Variants in ELAPOR2 observed in about 807,000 individuals in gnomAD.
ELAPOR2 encodes endosome/lysosome-associated apoptosis and autophagy regulator family member 2.
ELAPOR2 carries 89 observed loss-of-function variants against 120.7 expected under a neutral mutation model. The ratio of observed to expected loss-of-function variants is 0.74; its 90% CI spans 0.62 to 0.88. ELAPOR2 has a LOEUF of 0.88. Among genes scored for constraint, ELAPOR2 ranks in the 40% least tolerant of loss-of-function variants. The probability of loss-of-function intolerance (pLI) is 0.00; values close to 1 mark genes in which losing one functional copy is unlikely to be tolerated. For synonymous variants in ELAPOR2, 444 were observed against 444.9 expected, an observed-to-expected ratio of 1.00 and a Z score of 0.03; for missense variants, 1,134 against 1,251.6, an observed-to-expected ratio of 0.91 and a Z score of 1.42.
chr7:87,049,854 G>C (rs966202600), intron 1 of ELAPOR2, among the ~76,000 whole-genome samples: 1 of 152,216 alleles, frequency 6.6e-6, no homozygotes, highest in Non-Finnish European at 1.5e-5. Context: ...CCCAAATGTG[G>C]TGATGTTGGG....
In ELAPOR2 at chr7:86,925,672, A is replaced by G. The variant is rs1427565314; in HGVS notation, c.1271-16T>C. Reference sequence around the variant, plus strand: ...GGTCTACATTCTACAGGAGACAAGTAGGGTCAACAATTAAAATTAAACTGC... The same window carrying G: ...GGTCTACATTCTACAGGAGACAAGTGGGGTCAACAATTAAAATTAAACTGC... On this transcript the variant is annotated splice_polypyrimidine_tract_variant and intron_variant, in intron 9 of 21. Transcript: ENST00000450689. 1.3e-5 allele frequency: 21 copies of G among 1,609,972 alleles called. No homozygotes were observed. Among genetic ancestry groups the G allele is most frequent in the Non-Finnish European group, 1.8e-5 (21 of 1,177,220 alleles).
Position 87,011,139 on chromosome 7 carries a change from G to A in ELAPOR2, c.190-46115C>T, listed in dbSNP as rs370032557. Among the ~76,000 whole-genome samples the A allele has an allele frequency of 2.8e-3, 424 of 150,854 alleles. 1 individual carries two copies. Among genetic ancestry groups the A allele is most frequent in the African/African-American group, 9.7e-3 (397 of 41,012 alleles). On this transcript the variant is annotated intron_variant, in intron 1 of 21. Coordinates refer to ENST00000450689, the MANE Select transcript of ELAPOR2 (RefSeq NM_001142749.3). ...AAAAATTAGCTGGGCATGGTGGCAC[G>A]TGCCTGTAGTCCCAGCTACTCGGGA...
chr7:86,908,423 A>C (rs376033872), intron 17 of ELAPOR2, 24 bp downstream of exon 17: 16 of 1,284,650 alleles, frequency 1.2e-5, no homozygotes, highest in Non-Finnish European at 1.6e-5. Context: ...AAATATAGTC[A>C]AGGGAAACAG....
chr7:86,966,178 T>C (rs1220757010), intron 1 of ELAPOR2, among the ~76,000 whole-genome samples: 1 of 152,156 alleles, frequency 6.6e-6, no homozygotes, highest in Non-Finnish European at 1.5e-5. Flanking sequence ...CTCAGCTAAA[T>C]ATCCAAGCTC....
intron 1 of ELAPOR2, among the ~76,000 whole-genome samples, chr7:87,058,863 T>C (rs1053111116): frequency 4.0e-5 from 6 of 149,852 alleles, no homozygotes; most frequent in Admixed American, 1.3e-4. Flanking sequence ...GGCAGGGGAG[T>C]AGGACGAAGG....
intron 1 of ELAPOR2, among the ~76,000 whole-genome samples, chr7:87,026,769 C>G (rs1175334116): frequency 6.6e-6 from 1 of 151,916 alleles, no homozygotes; most frequent in Non-Finnish European, 1.5e-5. Context: ...TTTACACTTT[C>G]TAAATAAAAT....
At chr7:86,892,693 T>A (rs1045329396) in intron 20 of ELAPOR2, among the ~76,000 whole-genome samples, 3 of 152,068 alleles carry the variant, frequency 2.0e-5, no homozygotes, top group Admixed American at 6.6e-5. Context: ...TGTTTTCTAA[T>A]AAATGACTCT....
intron 1 of ELAPOR2, among the ~76,000 whole-genome samples, chr7:87,022,602 G>A (rs1433467478): frequency 6.6e-6 from 1 of 152,046 alleles, no homozygotes; most frequent in Non-Finnish European, 1.5e-5. Context: ...CCAGTAATGG[G>A]ATGACTGGGT....
intron 21 of ELAPOR2, among the ~76,000 whole-genome samples, chr7:86,888,715 G>T (rs1459514182): frequency 1.3e-5 from 2 of 152,070 alleles, no homozygotes; most frequent in Admixed American, 6.6e-5. Context: ...GGACAAACAG[G>T]GAGAGTTGAG....
intron 1 of ELAPOR2, among the ~76,000 whole-genome samples, chr7:86,997,972 C>T (rs934965672): frequency 1.3e-4 from 20 of 152,266 alleles, no homozygotes; most frequent in African/African-American, 4.8e-4. Context: ...GGTAGCCAGA[C>T]CCACTCTCTG....
Position 87,039,298 on chromosome 7 carries a change from C to G in ELAPOR2, c.189+20027G>C, listed in dbSNP as rs112785430. Among the ~76,000 whole-genome samples, 1,243 of 152,142 alleles carry G rather than the reference C, an allele frequency of 8.2e-3. 19 individuals are homozygous for G. The highest frequency in any genetic ancestry group is 0.029 in the African/African-American group (1,195 of 41,522). ...TCCCAGTAAAGAAAAGCCTGGGACC[C>G]AATGGCTTCACTGCTGAATCCTACC... On this transcript the variant is annotated intron_variant, in intron 1 of 21. Coordinates refer to ENST00000450689, the MANE Select transcript of ELAPOR2 (RefSeq NM_001142749.3).
rs1014882382 is a variant in ELAPOR2 at position 86,879,546 on chromosome 7, C to T, written c.*925G>A. On this transcript the variant is annotated 3_prime_UTR_variant, in exon 22 of 22. Coordinates refer to ENST00000450689, the MANE Select transcript of ELAPOR2 (RefSeq NM_001142749.3). ...AGAACAAAAGTCCCACTGACATTTT[C>T]TGGAGACCATGAAATTACCCCAGTA... is the stretch of plus-strand genomic sequence containing the variant. 3.9e-5 allele frequency: 6 copies of T among 152,100 alleles called. No individual in the cohort carries two copies. The highest frequency in any genetic ancestry group is 5.9e-5 in the Non-Finnish European group (4 of 68,012). 9.4% of individuals were successfully genotyped at this position (152,100 alleles called of 1,614,324 possible).
chr7:86,909,922 G>A lies in ELAPOR2; in HGVS notation c.2249C>T (p.Thr750Ile). The change falls in exon 16 of 22, where the codon ACA (threonine) becomes ATA (isoleucine). Residue 750 changes from threonine to isoleucine, a missense_variant. Thr to Ile is a moderately conservative substitution (Grantham distance 89, BLOSUM62 -1). This residue lies in a region of ELAPOR2 where 831 missense variants were observed against 867.6 expected (regional missense o/e 0.96). Transcript: ENST00000450689. ...KEIVAGSDDY[T>I]NLVGAFVCQS... ...GCATACAAATGCCCCTACCAAATTT[G>A]TGTAATCATCTGACCCTGCCACTAT... The A allele has an allele frequency of 6.2e-7, 1 of 1,613,338 alleles. No individual in the cohort carries two copies. Among genetic ancestry groups the A allele is most frequent in the Non-Finnish European group, 8.5e-7 (1 of 1,179,528 alleles).
At position 86,931,660 on chromosome 7, in the gene ELAPOR2, C is replaced by G. The variant is rs150667995; in HGVS notation, c.1090-4744G>C. 2.8e-3 allele frequency among the ~76,000 whole-genome samples: 424 copies of G among 151,776 alleles called. 3 individuals are homozygous for G. The highest frequency in any genetic ancestry group is 3.5e-3 in the Non-Finnish European group (238 of 67,836). On this transcript the variant is annotated intron_variant, in intron 8 of 21. Transcript: ENST00000450689. ...TACCTTCTATGTGCTAGGTACTATACTAGGCTTAGAGATTTTTTTTTTAAT... is the reference window on the plus strand; with the variant it reads ...TACCTTCTATGTGCTAGGTACTATAGTAGGCTTAGAGATTTTTTTTTTAAT...
intron 1 of ELAPOR2, among the ~76,000 whole-genome samples, chr7:87,022,415 A>C (rs1258797806): frequency 1.3e-5 from 2 of 151,906 alleles, no homozygotes; most frequent in Non-Finnish European, 2.9e-5. Flanking sequence ...TGAACTCATC[A>C]TTTTTTATGG....
At chr7:86,907,860 T>C (rs936757526) in intron 17 of ELAPOR2, 89 bp from the exon 18 acceptor site, 5 of 624,828 alleles carry the variant, frequency 8.0e-6, no homozygotes, top group East Asian at 6.6e-5. Context: ...TCAGACTTCA[T>C]GAACAAATGA....
chr7:86,881,584 C>T (rs1349482041), intron 21 of ELAPOR2, among the ~76,000 whole-genome samples: 2 of 151,992 alleles, frequency 1.3e-5, no homozygotes, highest in African/African-American at 4.8e-5. Flanking sequence ...TCTCGAACTC[C>T]TGTCCTCGTG....
chr7:87,016,793 T>C (rs540529865), intron 1 of ELAPOR2, among the ~76,000 whole-genome samples: 2 of 152,004 alleles, frequency 1.3e-5, no homozygotes, highest in South Asian at 4.1e-4. Flanking sequence ...AAGGTAAAAG[T>C]TGATAACAAG....
intron 21 of ELAPOR2, among the ~76,000 whole-genome samples, chr7:86,888,523 C>T (rs1799799382): frequency 1.3e-5 from 2 of 152,234 alleles, no homozygotes; most frequent in African/African-American, 4.8e-5. Context: ...GCTGGGTCTG[C>T]CATACCCACC....
Sources: allele counts gnomAD v4.1 joint callset (sites outside exome capture counted in the v4.1 genomes callset), GRCh38; gene constraint gnomAD v4.1.1; regional missense constraint gnomAD v4.1.1; transcripts MANE v1.5; gene names NCBI Gene and HGNC (gene_info 2026-07-23, HGNC 2026-07-21).